The following SNX10 variants were observed in gnomAD, a reference collection of about 807,000 sequenced individuals.
SNX10 encodes the protein sorting nexin 10, also known as sorting nexin-10.
In SNX10, 25 loss-of-function variants were observed where a neutral mutation model predicts 28.5. That is an observed-to-expected ratio of 0.88 (90% CI 0.64 to 1.22). The LOEUF (loss-of-function observed/expected upper bound fraction) is 1.22, where lower values mean the gene tolerates loss of function less well. Among genes scored for constraint, SNX10 ranks in the 50% most tolerant of loss-of-function variants. The pLI is 0.00. For synonymous variants in SNX10, 62 were observed against 81.4 expected, an observed-to-expected ratio of 0.76 and a Z score of 1.28; for missense variants, 223 against 242.6, an observed-to-expected ratio of 0.92 and a Z score of 0.54.
At chr7:26,347,054 A>G (rs1788417734) in intron 2 of SNX10, among the ~76,000 whole-genome samples, 1 of 152,142 alleles carries the variant, frequency 6.6e-6, no homozygotes, top group Admixed American at 6.5e-5. Context: ...TGCAGTGCAC[A>G]TCATCACTTG....
At chr7:26,333,322 C>CTTTTT (rs10636369) in intron 1 of SNX10, among the ~76,000 whole-genome samples, 26 of 113,676 alleles carry the variant, frequency 2.3e-4, no homozygotes, top group African/African-American at 4.0e-4. Context: ...GTATTTTATT[C>CTTTTT]TTTTTTTTTT....
At chr7:26,358,850 G>A (rs539976317) in intron 2 of SNX10, among the ~76,000 whole-genome samples, 57 of 123,512 alleles carry the variant, frequency 4.6e-4, no homozygotes, top group African/African-American at 1.7e-3. Flanking sequence ...TTGTTGGCCC[G>A]GGCTGGAGTG....
intron 1 of SNX10, 100 bp from the exon 2 acceptor site, chr7:26,346,320 G>A (rs569325455): frequency 1.3e-6 from 1 of 778,222 alleles, no homozygotes; most frequent in East Asian, 2.4e-5. Flanking sequence ...TGTGGGGCGG[G>A]GGGGGCTCTG....
chr7:26,339,530 C>CTTTTTTTTTT lies in SNX10; in HGVS notation c.-23-6887_-23-6878dup, dbSNP rs142702810. ...TTTGTTTGTTGTTGTTGAGCTTGAT[C>CTTTTTTTTTT]TTTTTTTTTTTTCTTTTTTTTTTGA... is the stretch of plus-strand genomic sequence containing the variant. On this transcript the variant is annotated intron_variant, in intron 1 of 6. Transcript: ENST00000338523. Among the ~76,000 whole-genome samples, 41 of 96,018 alleles carry CTTTTTTTTTT rather than the reference C, an allele frequency of 4.3e-4. 2 individuals carry two copies. Among genetic ancestry groups the CTTTTTTTTTT allele is most frequent in the South Asian group, 1.0e-3 (2 of 1,982 alleles). 63.0% of individuals were successfully genotyped at this position (96,018 alleles called of 152,430 possible).
chr7:26,311,382 C>T lies in SNX10; in HGVS notation c.-24+19296C>T, dbSNP rs532930880. Among the ~76,000 whole-genome samples, 7 of 152,180 alleles carry T rather than the reference C, an allele frequency of 4.6e-5. No individual in the cohort carries two copies. In the East Asian group the frequency reaches 1.4e-3, roughly 30 times the overall value. Reference sequence around the variant, plus strand: ...CCCAGGCTGGTCTGGAGCCCCTGGGCTCAAGCGATTCTCCCGCCTCGGCCT... The same window carrying T: ...CCCAGGCTGGTCTGGAGCCCCTGGGTTCAAGCGATTCTCCCGCCTCGGCCT... On this transcript the variant is annotated intron_variant, in intron 1 of 6. Coordinates refer to ENST00000338523, the MANE Select transcript of SNX10 (RefSeq NM_013322.3).
intron 1 of SNX10, among the ~76,000 whole-genome samples, chr7:26,337,049 T>C (rs1485647991): frequency 1.3e-5 from 2 of 152,238 alleles, no homozygotes; most frequent in Non-Finnish European, 2.9e-5. Context: ...AATATTGAAA[T>C]AGCTCACATT....
chr7:26,371,877 G>A lies in SNX10; in HGVS notation c.368G>A (p.Ser123Asn). ...SDSSLHLFLQ[S>N]HLNSEDIEAC... ...AGCAGCCTTCACCTCTTCTTACAGA[G>A]CCATCTGAATTCAGAAGACATTGAG... The change falls in exon 6 of 7, where the codon AGC (serine) becomes AAC (asparagine). Residue 123 changes from serine to asparagine, a missense_variant. Ser to Asn is a conservative substitution (Grantham distance 46). Transcript: ENST00000338523. 1 of 1,613,378 alleles carries A rather than the reference G, an allele frequency of 6.2e-7. No homozygotes were observed.
chr7:26,354,772 C>G (rs1046335081), intron 2 of SNX10, among the ~76,000 whole-genome samples: 10 of 152,104 alleles, frequency 6.6e-5, no homozygotes, highest in African/African-American at 9.7e-5. Context: ...TTAATTTGCC[C>G]TTTTAACCTT....
Position 26,373,923 on chromosome 7 carries a change from A to G in SNX10, c.*1351A>G, listed in dbSNP as rs1247673699. 1 of 152,076 alleles carries G rather than the reference A, an allele frequency of 6.6e-6. No homozygotes were observed. The highest frequency in any genetic ancestry group is 1.5e-5 in the Non-Finnish European group (1 of 67,902). 9.4% of individuals were successfully genotyped at this position (152,076 alleles called of 1,614,324 possible). On this transcript the variant is annotated 3_prime_UTR_variant, in exon 7 of 7. Transcript: ENST00000338523. The surrounding 1 kb of genome is among the most constrained non-coding windows in gnomAD (Gnocchi z 4.2). Reference sequence around the variant, plus strand: ...AAAGCTAAGAAAACTGAGAACTAACATTAAAAAAATTAAATTTAGAATAAG... The same window carrying G: ...AAAGCTAAGAAAACTGAGAACTAACGTTAAAAAAATTAAATTTAGAATAAG...
chr7:26,359,458 A>G (rs907256486), intron 2 of SNX10, among the ~76,000 whole-genome samples: 2 of 152,166 alleles, frequency 1.3e-5, no homozygotes, highest in African/African-American at 2.4e-5. Flanking sequence ...AACAAGCAAT[A>G]AGAAATGCCT....
intron 1 of SNX10, among the ~76,000 whole-genome samples, chr7:26,331,219 G>A (rs2391269): frequency 0.036 from 5,509 of 151,782 alleles, 325 homozygotes; most frequent in East Asian, 0.26. Flanking sequence ...GTTAGGCTTC[G>A]GGTTTCAGGT....
intron 2 of SNX10, among the ~76,000 whole-genome samples, chr7:26,349,770 A>T (rs552696422): frequency 6.6e-6 from 1 of 152,322 alleles, no homozygotes; most frequent in African/African-American, 2.4e-5. Context: ...TTGTGGAGCT[A>T]GGCATTTTTA....
chr7:26,329,720 C>T (rs966913827), intron 1 of SNX10, among the ~76,000 whole-genome samples: 2 of 152,088 alleles, frequency 1.3e-5, no homozygotes, highest in Non-Finnish European at 2.9e-5. Context: ...ATGATCACAG[C>T]GTTACAAAGG....
chr7:26,342,337 A>G (rs1375990703), intron 1 of SNX10, among the ~76,000 whole-genome samples: 2 of 152,070 alleles, frequency 1.3e-5, no homozygotes, highest in African/African-American at 4.8e-5. Context: ...TCAGGGAGCA[A>G]TTTCTGATTG....
chr7:26,352,580 T>G (rs946816091), intron 2 of SNX10, among the ~76,000 whole-genome samples: 3 of 152,212 alleles, frequency 2.0e-5, no homozygotes, highest in Non-Finnish European at 4.4e-5. Context: ...GCTACCACAG[T>G]CAATTATTTG....
rs1281239385 is a variant in SNX10, at chr7:26,373,724, A to G, written c.*1152A>G. ...GGTACAAAATATTTCTGTGAAACTA[A>G]CAGGAAGATATTTTCAGATAACTAG... On this transcript the variant is annotated 3_prime_UTR_variant, in exon 7 of 7. Coordinates refer to ENST00000338523, the MANE Select transcript of SNX10 (RefSeq NM_013322.3). The surrounding 1 kb of genome is among the most constrained non-coding windows in gnomAD (Gnocchi z 4.2). 6.6e-6 allele frequency: 1 copy of G among 152,078 alleles called. No individual in the cohort carries two copies. Among genetic ancestry groups the G allele is most frequent in the African/African-American group, 2.4e-5 (1 of 41,446 alleles). 9.4% of individuals were successfully genotyped at this position (152,078 alleles called of 1,614,324 possible).
At chr7:26,362,864 C>T (rs1183118053) in intron 3 of SNX10, among the ~76,000 whole-genome samples, 1 of 152,176 alleles carries the variant, frequency 6.6e-6, no homozygotes, top group Admixed American at 6.5e-5. Context: ...TGAACCTGCC[C>T]TGCAAATGAA....
At chr7:26,344,033 G>A (rs918727561) in intron 1 of SNX10, among the ~76,000 whole-genome samples, 2 of 152,098 alleles carry the variant, frequency 1.3e-5, no homozygotes, top group African/African-American at 2.4e-5. Context: ...GTTCAGTGGT[G>A]TGAAGGATGT....
At chr7:26,298,832 T>C in intron 1 of SNX10, among the ~76,000 whole-genome samples, 1 of 152,216 alleles carries the variant, frequency 6.6e-6, no homozygotes, top group Non-Finnish European at 1.5e-5. Flanking sequence ...TCGTGCTGCG[T>C]CCTCACATGG....
Sources: allele counts gnomAD v4.1 joint callset (sites outside exome capture counted in the v4.1 genomes callset), GRCh38; gene constraint gnomAD v4.1.1; non-coding constraint Gnocchi (gnomAD v3.1); transcripts MANE v1.5; gene names NCBI Gene and HGNC (gene_info 2026-07-23, HGNC 2026-07-21).